The following SCAMP1 variants were observed in gnomAD, a reference collection of about 807,000 sequenced individuals.
The protein encoded by SCAMP1 is secretory carrier membrane protein 1.
Under a neutral mutation model 41.8 loss-of-function variants are expected in SCAMP1, and 15 were observed. The ratio of observed to expected loss-of-function variants is 0.36; its 90% CI spans 0.24 to 0.55. The LOEUF is 0.55. SCAMP1 is among the 20% of genes least tolerant of loss of function. SCAMP1 has a pLI of 0.86. For missense variants in SCAMP1, 341 were observed against 412.6 expected (o/e 0.83, Z 1.50); for synonymous variants, 135 against 136.8 (o/e 0.99, Z 0.09).
At chr5:78,469,890 TAAAAAAAAA>T (rs141989832) in intron 8 of SCAMP1, among the ~76,000 whole-genome samples, 973 of 15,030 alleles carry the variant, frequency 0.065, 26 homozygotes, top group African/African-American at 0.14. Flanking sequence ...TACAAGACAT[TAAAAAAAAA>T]AAAAAAAAAA....
At chr5:78,384,993 C>G (rs1453942900) in intron 1 of SCAMP1, among the ~76,000 whole-genome samples, 1 of 151,810 alleles carries the variant, frequency 6.6e-6, no homozygotes, top group Non-Finnish European at 1.5e-5. Context: ...GATTCCCTCT[C>G]TGTTTTTCGG....
At chr5:78,462,245 T>C (rs1442424101) in intron 8 of SCAMP1, among the ~76,000 whole-genome samples, 2 of 150,876 alleles carry the variant, frequency 1.3e-5, no homozygotes, top group Non-Finnish European at 3.0e-5. Flanking sequence ...TAAATGGGAT[T>C]GGGTTCTTTA....
chr5:78,462,287 T>G (rs1365722366), intron 8 of SCAMP1, among the ~76,000 whole-genome samples: 2 of 151,988 alleles, frequency 1.3e-5, no homozygotes, highest in African/African-American at 4.8e-5. Context: ...TGTTGGTGTT[T>G]AGAAATGCTA....
intron 7 of SCAMP1, among the ~76,000 whole-genome samples, chr5:78,453,065 A>T (rs1480724578): frequency 1.1e-4 from 17 of 148,402 alleles, no homozygotes; most frequent in Admixed American, 6.6e-5. Flanking sequence ...GTTTGAGTTC[A>T]TTGTAGATTC....
At position 78,438,387 on chromosome 5, in the gene SCAMP1, G is replaced by A. The variant is rs555961148; in HGVS notation, c.633-11546G>A. ...TTTCCCTCTACACACTGCTTTAAAT[G>A]TGTCCTAGGGATTCTGGTACGTTGT... On this transcript the variant is annotated intron_variant, in intron 6 of 8. Coordinates refer to ENST00000621999, the MANE Select transcript of SCAMP1 (RefSeq NM_004866.6). Among the ~76,000 whole-genome samples, 6 of 152,318 alleles carry A rather than the reference G, an allele frequency of 3.9e-5. No homozygotes were observed. In the South Asian group the frequency reaches 1.0e-3, roughly 26 times the overall value.
intron 1 of SCAMP1, among the ~76,000 whole-genome samples, chr5:78,376,498 T>C (rs1368132987): frequency 6.6e-6 from 1 of 152,212 alleles, no homozygotes; most frequent in Non-Finnish European, 1.5e-5. Context: ...ATTGCCGGTC[T>C]AAAGTTTGTC....
rs35373034 is a variant in SCAMP1, at chr5:78,381,066, CA to C, written c.58-7759del. On this transcript the variant is annotated intron_variant, in intron 1 of 8. Coordinates refer to ENST00000621999, the MANE Select transcript of SCAMP1 (RefSeq NM_004866.6). ...CCTGGGCAACAGCAAGACTCCGTCTCAAAAAAAAAAAACTGTTTCTTGTTTC... is the reference window on the plus strand; with the variant it reads ...CCTGGGCAACAGCAAGACTCCGTCTCAAAAAAAAAAACTGTTTCTTGTTTC... 1.9e-3 allele frequency among the ~76,000 whole-genome samples: 270 copies of C among 143,906 alleles called. 1 individual carries two copies. Among genetic ancestry groups the C allele is most frequent in the African/African-American group, 6.0e-3 (237 of 39,250 alleles). 94.4% of individuals were successfully genotyped at this position (143,906 alleles called of 152,430 possible). A position where few individuals can be genotyped will look rare whatever the true frequency, so the allele number is the denominator to read the frequency against.
chr5:78,361,895 T>C (rs1471789589), intron 1 of SCAMP1, among the ~76,000 whole-genome samples: 1 of 152,206 alleles, frequency 6.6e-6, no homozygotes, highest in Non-Finnish European at 1.5e-5. Flanking sequence ...CTATTTCTGC[T>C]CTGATTATTA....
intron 8 of SCAMP1, among the ~76,000 whole-genome samples, chr5:78,464,231 A>G (rs138263662): frequency 6.6e-6 from 1 of 150,884 alleles, no homozygotes; most frequent in East Asian, 1.9e-4. Context: ...GCAGCCTCCA[A>G]CTCCCTGGTT....
At chr5:78,384,171 G>GTTTTTTTT (rs772536603) in intron 1 of SCAMP1, among the ~76,000 whole-genome samples, 1 of 68,852 alleles carries the variant, frequency 1.5e-5, no homozygotes, top group East Asian at 2.8e-4. Flanking sequence ...ATATTCCCAA[G>GTTTTTTTT]TTTTTTTTCT....
chr5:78,397,233 G>A (rs1313791962), intron 2 of SCAMP1, among the ~76,000 whole-genome samples: 5 of 152,204 alleles, frequency 3.3e-5, no homozygotes, highest in Non-Finnish European at 5.9e-5. Flanking sequence ...AATCCAATGG[G>A]AAAGAATAAT....
chr5:78,369,409 G>A (rs551159393), intron 1 of SCAMP1, among the ~76,000 whole-genome samples: 2 of 152,198 alleles, frequency 1.3e-5, no homozygotes, highest in South Asian at 2.1e-4. Context: ...GCCCGGCCAG[G>A]ACACATAACA....
intron 6 of SCAMP1, among the ~76,000 whole-genome samples, chr5:78,434,594 T>C (rs1345890184): frequency 1.3e-5 from 2 of 152,114 alleles, no homozygotes; most frequent in Admixed American, 6.5e-5. Flanking sequence ...AAAAGCACTT[T>C]AGTTTTTCTT....
rs1009454985 is a variant in SCAMP1 at position 78,446,171 on chromosome 5, T to C, written c.633-3762T>C. Among the ~76,000 whole-genome samples, 126 of 152,142 alleles carry C rather than the reference T, an allele frequency of 8.3e-4. 2 individuals carry two copies. The highest frequency in any genetic ancestry group is 3.0e-3 in the African/African-American group (123 of 41,460). ...TAACTGTGCATTTGTGTGTACTAAC[T>C]GTACATACAGAAAGAGGAAGGTGGA... On this transcript the variant is annotated intron_variant, in intron 6 of 8. Coordinates refer to ENST00000621999, the MANE Select transcript of SCAMP1 (RefSeq NM_004866.6).
At chr5:78,434,593 T>C (rs1276624466) in intron 6 of SCAMP1, among the ~76,000 whole-genome samples, 2 of 152,052 alleles carry the variant, frequency 1.3e-5, no homozygotes, top group Non-Finnish European at 2.9e-5. Context: ...TAAAAGCACT[T>C]TAGTTTTTCT....
Position 78,459,466 on chromosome 5 carries a change from A to G in SCAMP1, c.852+104A>G, listed in dbSNP as rs2112231155. ...TGTAACCTGAAGCCATTTTATCGTT[A>G]TTGTATGAGTTTGCTCTCTGAGGAT... On this transcript the variant is annotated intron_variant, in intron 8 of 8. Transcript: ENST00000621999. 4.7e-6 allele frequency: 3 copies of G among 633,148 alleles called. No homozygotes were observed. In the South Asian group the frequency reaches 6.0e-5, roughly 13 times the overall value. The allele number at this position is 633,148 out of a possible 1,614,324, so 39.2% of individuals were successfully genotyped here. A position where few individuals can be genotyped will look rare whatever the true frequency, so the allele number is the denominator to read the frequency against.
At chr5:78,434,405 G>A (rs1375902432) in intron 6 of SCAMP1, among the ~76,000 whole-genome samples, 1 of 152,112 alleles carries the variant, frequency 6.6e-6, no homozygotes, top group Non-Finnish European at 1.5e-5. Context: ...AGAAACAGTG[G>A]TCTTTTCCAC....
chr5:78,382,511 A>G (rs1024690396), intron 1 of SCAMP1, among the ~76,000 whole-genome samples: 3 of 152,180 alleles, frequency 2.0e-5, no homozygotes, highest in Admixed American at 2.0e-4. Context: ...ATTTTGGTGC[A>G]CCTGTCACCC....
chr5:78,426,935 G>A (rs1422578943), intron 6 of SCAMP1, among the ~76,000 whole-genome samples: 2 of 152,062 alleles, frequency 1.3e-5, no homozygotes, highest in Non-Finnish European at 2.9e-5. Context: ...CCATTGTATT[G>A]TTACATCACA....
Sources: gnomAD v4.1 joint callset for allele counts (sites outside exome capture counted in the v4.1 genomes callset) on GRCh38, gnomAD v4.1.1 for gene constraint, MANE v1.5 for transcripts, NCBI Gene and HGNC (gene_info 2026-07-23, HGNC 2026-07-21) for gene names.